LRP1B: variants seen among roughly 807,000 people sequenced by gnomAD.
LRP1B encodes the protein LDL receptor related protein 1B, also known as low-density lipoprotein receptor-related protein 1B.
Under a neutral mutation model 556.6 loss-of-function variants are expected in LRP1B, and 217 were observed. The ratio of observed to expected loss-of-function variants is 0.39; its 90% confidence interval spans 0.35 to 0.44. The LOEUF (loss-of-function observed/expected upper bound fraction) is 0.44, where lower values mean the gene tolerates loss of function less well. Ranked by LOEUF, LRP1B falls within the 20% of genes least tolerant of loss-of-function variation. LRP1B has a pLI of 1.00. For synonymous variants in LRP1B, 2,047 were observed against 1,865.8 expected, an observed-to-expected ratio of 1.10 and a Z score of -2.50; for missense variants, 5,053 against 5,620.8, an observed-to-expected ratio of 0.90 and a Z score of 3.23.
rs11326947 is a variant in LRP1B, at chr2:141,741,263, CTTTTTTTTTTTTT to C, written c.205+69003_205+69015del. ...GTTATCTCTTCAGTATACTGATTTCCTTTTTTTTTTTTTTTTTTTTTTTTTTTTTTAGTATATA... is the reference window on the plus strand; with the variant it reads ...GTTATCTCTTCAGTATACTGATTTCCTTTTTTTTTTTTTTTTTAGTATATA... On this transcript the variant is annotated intron_variant, in intron 2 of 90. Coordinates refer to ENST00000389484, the MANE Select transcript of LRP1B (RefSeq NM_018557.3). 5.3e-4 allele frequency among the ~76,000 whole-genome samples: 31 copies of C among 57,982 alleles called. 2 individuals are homozygous for C. Among genetic ancestry groups the C allele is most frequent in the Admixed American group, 1.7e-3 (9 of 5,408 alleles). The allele number at this position is 57,982 out of a possible 152,430, so 38.0% of individuals were successfully genotyped here. A position where few individuals can be genotyped will look rare whatever the true frequency, so the allele number is the denominator to read the frequency against.
chr2:141,022,714 A>G (rs2105401160), intron 11 of LRP1B, among the ~76,000 whole-genome samples: 1 of 152,118 alleles, frequency 6.6e-6, no homozygotes, highest in South Asian at 2.1e-4. Context: ...AACATCAGTG[A>G]CTACAGAGAG....
chr2:141,813,780 G>A (rs1451428695), intron 1 of LRP1B, among the ~76,000 whole-genome samples: 17 of 152,116 alleles, frequency 1.1e-4, no homozygotes, highest in Admixed American at 9.2e-4. Context: ...GAGAGTTCTG[G>A]ATTCTTGTCC....
In LRP1B at chr2:141,466,391, T is replaced by A. The variant is rs529239275; in HGVS notation, c.343+14005A>T. ...TAACTAACTGCTCTATTAAAACATGTATAGCATGAAATGTTAGTTGTTATC... is the reference window on the plus strand; with the variant it reads ...TAACTAACTGCTCTATTAAAACATGAATAGCATGAAATGTTAGTTGTTATC... On this transcript the variant is annotated intron_variant, in intron 3 of 90. Coordinates refer to ENST00000389484, the MANE Select transcript of LRP1B (RefSeq NM_018557.3). Among the ~76,000 whole-genome samples the A allele has an allele frequency of 1.4e-4, 21 of 152,288 alleles. 1 individual carries two copies. Among genetic ancestry groups the A allele is most frequent in the African/African-American group, 4.6e-4 (19 of 41,568 alleles).
intron 32 of LRP1B, among the ~76,000 whole-genome samples, chr2:140,786,768 G>A (rs997396427): frequency 5.3e-5 from 8 of 152,158 alleles, no homozygotes; most frequent in Admixed American, 5.2e-4. Flanking sequence ...CTTGTGTCAT[G>A]GAGAGCTGAA....
At chr2:141,053,597 G>A (rs1258572378) in intron 10 of LRP1B, among the ~76,000 whole-genome samples, 2 of 151,992 alleles carry the variant, frequency 1.3e-5, no homozygotes, top group Non-Finnish European at 2.9e-5. Context: ...TTGGTGGAAT[G>A]TTCCAAAGAC....
At chr2:140,938,304 AG>A in intron 20 of LRP1B, among the ~76,000 whole-genome samples, 1 of 152,216 alleles carries the variant, frequency 6.6e-6, no homozygotes, top group Middle Eastern at 3.4e-3. Flanking sequence ...ACAATGAAAA[AG>A]TCCTAGAATC....
chr2:141,121,934 C>A (rs1276380433), intron 7 of LRP1B, among the ~76,000 whole-genome samples: 1 of 152,092 alleles, frequency 6.6e-6, no homozygotes, highest in South Asian at 2.1e-4. Context: ...GCAGAGCCCT[C>A]AGAAATAATA....
chr2:141,134,848 T>C (rs1183707155), intron 7 of LRP1B, among the ~76,000 whole-genome samples: 1 of 151,796 alleles, frequency 6.6e-6, no homozygotes, highest in East Asian at 1.9e-4. Flanking sequence ...TCTAATTATT[T>C]CTTGGCTACA....
intron 2 of LRP1B, among the ~76,000 whole-genome samples, chr2:141,615,033 A>G (rs1688244276): frequency 6.6e-6 from 1 of 152,166 alleles, no homozygotes. Flanking sequence ...AAGACTGTTG[A>G]TAGAAACATG....
intron 43 of LRP1B, among the ~76,000 whole-genome samples, chr2:140,544,824 T>C (rs911987371): frequency 2.6e-5 from 4 of 152,146 alleles, no homozygotes; most frequent in Non-Finnish European, 5.9e-5. Flanking sequence ...TTATATTCCT[T>C]TGGGTATATA....
intron 3 of LRP1B, among the ~76,000 whole-genome samples, chr2:141,364,411 AACAC>A (rs139037221): frequency 4.7e-5 from 7 of 149,572 alleles, no homozygotes; most frequent in African/African-American, 1.5e-4. Flanking sequence ...ATTAAATCAT[AACAC>A]ACACACACAC....
intron 1 of LRP1B, among the ~76,000 whole-genome samples, chr2:142,128,154 G>A (rs184557084): frequency 6.6e-6 from 1 of 152,178 alleles, no homozygotes; most frequent in East Asian, 1.9e-4. Flanking sequence ...ATAAACATAC[G>A]AGTTAGTTTC....
chr2:141,643,053 G>T (rs1160102644), intron 2 of LRP1B, among the ~76,000 whole-genome samples: 1 of 152,056 alleles, frequency 6.6e-6, no homozygotes, highest in Non-Finnish European at 1.5e-5. Flanking sequence ...CTGTTAAGGG[G>T]GACAAAATGT....
chr2:140,524,693 G>C (rs1002116285), intron 49 of LRP1B, among the ~76,000 whole-genome samples: 6 of 151,802 alleles, frequency 4.0e-5, no homozygotes, highest in African/African-American at 1.5e-4. Context: ...ATCAATGCAA[G>C]AACAGAAAAC....
intron 16 of LRP1B, 84 bp from the exon 17 acceptor site, chr2:140,989,741 C>A: frequency 7.4e-7 from 1 of 1,346,690 alleles, no homozygotes; most frequent in Non-Finnish European, 1.0e-6. Context: ...AGAAAAGTTA[C>A]AGTAATAATA....
At chr2:142,120,131 T>TTTC (rs1707408095) in intron 1 of LRP1B, among the ~76,000 whole-genome samples, 2 of 121,968 alleles carry the variant, frequency 1.6e-5, no homozygotes, top group African/African-American at 6.4e-5. Flanking sequence ...TTGTTTGTTT[T>TTTC]TTGAGACAGA....
chr2:140,771,426 A>C (rs897238123), intron 33 of LRP1B, among the ~76,000 whole-genome samples: 8 of 152,114 alleles, frequency 5.3e-5, no homozygotes, highest in Non-Finnish European at 1.2e-4. Context: ...ATTACTAACC[A>C]CTCAAAGATT....
chr2:140,589,847 G>A (rs959794505), intron 43 of LRP1B, among the ~76,000 whole-genome samples: 2 of 152,134 alleles, frequency 1.3e-5, no homozygotes, highest in African/African-American at 4.8e-5. Flanking sequence ...GATTAAGAAA[G>A]GAGTGGGAAA....
intron 1 of LRP1B, among the ~76,000 whole-genome samples, chr2:142,018,251 AT>A (rs1703217395): frequency 6.6e-6 from 1 of 152,204 alleles, no homozygotes; most frequent in South Asian, 2.1e-4. Context: ...TGATATTTAA[AT>A]CATGCTGTCT....
Sources: gnomAD v4.1 joint callset for allele counts (sites outside exome capture counted in the v4.1 genomes callset) on GRCh38, gnomAD v4.1.1 for gene constraint, MANE v1.5 for transcripts, NCBI Gene and HGNC (gene_info 2026-07-23, HGNC 2026-07-21) for gene names.